PCDH15: variants seen among roughly 807,000 people sequenced by gnomAD.
The protein encoded by PCDH15 is protocadherin-15.
In PCDH15, 129 loss-of-function variants were observed where a neutral mutation model predicts 178.5. The observed-to-expected ratio is 0.72, with a 90% CI of 0.63 to 0.84. PCDH15 has a LOEUF of 0.84. Ranked by LOEUF, PCDH15 falls within the 40% of genes least tolerant of loss-of-function variation. The probability of loss-of-function intolerance (pLI) is 0.00; values close to 1 mark genes in which losing one functional copy is unlikely to be tolerated. For missense variants in PCDH15, 2,230 were observed against 2,099.9 expected, an observed-to-expected ratio of 1.06 and a Z score of -1.21; for synonymous variants, 800 against 732.0, an observed-to-expected ratio of 1.09 and a Z score of -1.50.
chr10:54,521,093 A>G (rs1398311973), intron 3 of PCDH15, among the ~76,000 whole-genome samples: 1 of 150,236 alleles, frequency 6.7e-6, no homozygotes, highest in African/African-American at 2.4e-5. Context: ...GGATAGTATT[A>G]GGAGATATAC....
chr10:55,587,992 G>A (rs190846946), intron 2 of PCDH15, among the ~76,000 whole-genome samples: 11 of 152,286 alleles, frequency 7.2e-5, no homozygotes, highest in Admixed American at 3.9e-4. Context: ...GTGCTGAATC[G>A]ACAGCATATG....
At chr10:54,748,397 T>C (rs1945756874) in intron 1 of PCDH15, among the ~76,000 whole-genome samples, 2 of 152,288 alleles carry the variant, frequency 1.3e-5, no homozygotes, top group Admixed American at 6.5e-5. Flanking sequence ...GTCCGTGCTC[T>C]TTTTTAATTC....
chr10:53,852,963 T>C (rs2078483726), intron 28 of PCDH15, among the ~76,000 whole-genome samples: 1 of 152,072 alleles, frequency 6.6e-6, no homozygotes, highest in Non-Finnish European at 1.5e-5. Context: ...CTGAGTTATG[T>C]GTGTATTTTC....
chr10:54,516,528 C>T (rs61853596), intron 3 of PCDH15, among the ~76,000 whole-genome samples: 4,604 of 151,912 alleles, frequency 0.03, 88 homozygotes, highest in Middle Eastern at 0.068. Context: ...TAAAAAGAAA[C>T]GAACAAAGCC....
In PCDH15 at chr10:55,439,984, G is replaced by T. The variant is rs117126507; in HGVS notation, c.-156+187641C>A. Among the ~76,000 whole-genome samples the T allele has an allele frequency of 7.9e-5, 12 of 152,238 alleles. No homozygotes were observed. In the East Asian group the frequency reaches 2.3e-3, roughly 29 times the overall value. ...ATAGAAGAACTGAGACAAGAGGTCC[G>T]TTGTACTGATGAATGGAAATAAGCT... is the stretch of plus-strand genomic sequence containing the variant. On this transcript the variant is annotated intron_variant, in intron 2 of 5. Coordinates refer to the PCDH15 transcript ENST00000613346.
rs565651417 is a variant in PCDH15 at position 54,338,322 on chromosome 10, A to T, written c.594+8043T>A. 1.2e-4 allele frequency among the ~76,000 whole-genome samples: 18 copies of T among 152,336 alleles called. No individual in the cohort carries two copies. The East Asian group carries it at 3.1e-3, about 26-fold the overall frequency. On this transcript the variant is annotated intron_variant, in intron 6 of 37. Transcript: ENST00000644397. ...GTACCCTGAAAAGTATTATTAAACTACAGTAAATTTTTTAGTAACCTACCT... is the reference window on the plus strand; with the variant it reads ...GTACCCTGAAAAGTATTATTAAACTTCAGTAAATTTTTTAGTAACCTACCT...
chr10:53,960,929 T>C (rs1387050255), intron 22 of PCDH15, among the ~76,000 whole-genome samples: 1 of 152,228 alleles, frequency 6.6e-6, no homozygotes, highest in Non-Finnish European at 1.5e-5. Flanking sequence ...TAAAATTGTC[T>C]ACTTATGGTA....
At chr10:54,446,784 G>T (rs1040499297) in intron 3 of PCDH15, among the ~76,000 whole-genome samples, 4 of 151,388 alleles carry the variant, frequency 2.6e-5, no homozygotes, top group African/African-American at 7.3e-5. Context: ...TTGCTTGCTT[G>T]CACAAAAGCC....
chr10:54,650,335 G>C (rs1490538146), intron 2 of PCDH15, among the ~76,000 whole-genome samples: 1 of 152,060 alleles, frequency 6.6e-6, no homozygotes, highest in African/African-American at 2.4e-5. Flanking sequence ...TGAGTTCCCT[G>C]TTTCTTTATA....
At chr10:54,821,534 GA>G (rs1283578758) in intron 3 of PCDH15, among the ~76,000 whole-genome samples, 2 of 151,836 alleles carry the variant, frequency 1.3e-5, no homozygotes, top group African/African-American at 4.8e-5. Flanking sequence ...ACAATATATA[GA>G]AAAAATATTT....
intron 3 of PCDH15, among the ~76,000 whole-genome samples, chr10:54,827,035 G>A (rs1040047455): frequency 1.3e-5 from 2 of 152,054 alleles, no homozygotes; most frequent in Admixed American, 6.6e-5. Context: ...GAACTTCTGT[G>A]CATGCCAGGA....
At chr10:55,194,501 T>C (rs539905832) in intron 1 of PCDH15, among the ~76,000 whole-genome samples, 25 of 152,210 alleles carry the variant, frequency 1.6e-4, no homozygotes, top group African/African-American at 5.5e-4. Context: ...CCAATGGTGA[T>C]AGAGTCATGA....
At chr10:54,690,207 C>T (rs949046805) in intron 1 of PCDH15, among the ~76,000 whole-genome samples, 13 of 151,970 alleles carry the variant, frequency 8.6e-5, no homozygotes, top group African/African-American at 2.9e-4. Flanking sequence ...ACCTACTGCA[C>T]TGCCAGTGTA....
chr10:53,950,381 T>C (rs1234623031), intron 23 of PCDH15, among the ~76,000 whole-genome samples: 3 of 152,122 alleles, frequency 2.0e-5, no homozygotes, highest in African/African-American at 7.2e-5. Flanking sequence ...TTAACATGAA[T>C]GTGACACTAA....
chr10:54,700,664 G>GA, intron 1 of PCDH15, among the ~76,000 whole-genome samples: 1 of 152,036 alleles, frequency 6.6e-6, no homozygotes, highest in East Asian at 1.9e-4. Context: ...CAAAAATAAA[G>GA]AAAAAAGAAT....
intron 3 of PCDH15, among the ~76,000 whole-genome samples, chr10:54,824,189 G>A (rs936127050): frequency 5.3e-5 from 8 of 152,022 alleles, no homozygotes; most frequent in African/African-American, 1.9e-4. Context: ...TTCACCATGT[G>A]TTTATGGATT....
chr10:54,446,145 G>A (rs1162212182), intron 3 of PCDH15, among the ~76,000 whole-genome samples: 2 of 151,406 alleles, frequency 1.3e-5, no homozygotes, highest in Non-Finnish European at 3.0e-5. Flanking sequence ...AAACAAACTA[G>A]TACACAAAAC....
intron 2 of PCDH15, among the ~76,000 whole-genome samples, chr10:55,390,775 C>T (rs1349200311): frequency 6.6e-6 from 1 of 152,190 alleles, no homozygotes; most frequent in African/African-American, 2.4e-5. Context: ...CATCAGAGCT[C>T]TTGGGTGACC....
At chr10:54,783,032 A>T (rs896275759) in intron 1 of PCDH15, among the ~76,000 whole-genome samples, 33 of 152,166 alleles carry the variant, frequency 2.2e-4, no homozygotes, top group Non-Finnish European at 4.4e-5. Flanking sequence ...AAACTATTCC[A>T]CCAGTTGCAC....
Sources: allele counts gnomAD v4.1 joint callset (sites outside exome capture counted in the v4.1 genomes callset), GRCh38; gene constraint gnomAD v4.1.1; transcripts MANE v1.5; gene names NCBI Gene and HGNC (gene_info 2026-07-23, HGNC 2026-07-21).